Variants in SYNDIG1 observed in about 807,000 individuals in gnomAD.
SYNDIG1 encodes the protein synapse differentiation inducing 1.
SYNDIG1 carries 9 observed loss-of-function variants against 19.4 expected under a neutral mutation model. The observed-to-expected ratio is 0.46, with a 90% confidence interval of 0.28 to 0.81. The LOEUF (loss-of-function observed/expected upper bound fraction) is 0.81, where lower values mean the gene tolerates loss of function less well. Among genes scored for constraint, SYNDIG1 ranks in the 30% least tolerant of loss-of-function variants. The pLI is 0.12. For missense variants in SYNDIG1, 311 were observed against 343.3 expected, an observed-to-expected ratio of 0.91 and a Z score of 0.74; for synonymous variants, 141 against 145.9, an observed-to-expected ratio of 0.97 and a Z score of 0.24.
intron 3 of SYNDIG1, among the ~76,000 whole-genome samples, chr20:24,591,128 T>C (rs1360816675): frequency 6.6e-6 from 1 of 151,986 alleles, no homozygotes; most frequent in African/African-American, 2.4e-5. Flanking sequence ...GTAAGAATAC[T>C]ATACTTCAAT....
chr20:24,590,302 G>A (rs951958493), intron 3 of SYNDIG1, among the ~76,000 whole-genome samples: 2 of 151,948 alleles, frequency 1.3e-5, no homozygotes, highest in Non-Finnish European at 2.9e-5. Flanking sequence ...GGCCGCGGGT[G>A]TGGAGTGGGG....
At chr20:24,487,256 T>C (rs2055993887) in intron 1 of SYNDIG1, among the ~76,000 whole-genome samples, 1 of 152,240 alleles carries the variant, frequency 6.6e-6, no homozygotes, top group African/African-American at 2.4e-5. Flanking sequence ...ATTTGTCTTA[T>C]GTAACAATAT....
chr20:24,656,583 G>A (rs551865936), intron 3 of SYNDIG1, among the ~76,000 whole-genome samples: 2 of 152,298 alleles, frequency 1.3e-5, no homozygotes, highest in East Asian at 3.9e-4. Context: ...AGCATTCAGA[G>A]GGCACCAGGA....
chr20:24,571,964 G>A (rs559843659), intron 2 of SYNDIG1, among the ~76,000 whole-genome samples: 1 of 152,164 alleles, frequency 6.6e-6, no homozygotes, highest in Non-Finnish European at 1.5e-5. Flanking sequence ...CCAGATCACT[G>A]TATCCAGAGA....
intron 3 of SYNDIG1, among the ~76,000 whole-genome samples, chr20:24,642,144 T>C (rs2147341356): frequency 6.6e-6 from 1 of 152,354 alleles, no homozygotes; most frequent in Middle Eastern, 3.4e-3. Context: ...CCTCCTTAAG[T>C]TCCTCTTGGC....
chr20:24,626,569 A>G lies in SYNDIG1; in HGVS notation c.619-38777A>G, dbSNP rs1483335674. Among the ~76,000 whole-genome samples, 3 of 149,258 alleles carry G rather than the reference A, an allele frequency of 2.0e-5. No individual in the cohort carries two copies. In the East Asian group the frequency reaches 6.0e-4, roughly 30 times the overall value. ...TTCCTAGGTGGGATGGCGGCCGGGC[A>G]GAGACGCTCCTCACTTTCCAGACTG... is the stretch of plus-strand genomic sequence containing the variant. On this transcript the variant is annotated intron_variant, in intron 3 of 3. Transcript: ENST00000376862.
chr20:24,608,914 G>C (rs369497471), intron 3 of SYNDIG1, among the ~76,000 whole-genome samples: 2 of 152,180 alleles, frequency 1.3e-5, no homozygotes, highest in Non-Finnish European at 2.9e-5. Context: ...TTGTGTGGAG[G>C]ACAGTAATTT....
At chr20:24,494,872 G>A (rs989892861) in intron 1 of SYNDIG1, among the ~76,000 whole-genome samples, 3 of 152,174 alleles carry the variant, frequency 2.0e-5, no homozygotes, top group Non-Finnish European at 2.9e-5. Context: ...TGGTGCCCTG[G>A]CAGGGTGCAG....
At chr20:24,502,664 A>G (rs574169509) in intron 1 of SYNDIG1, among the ~76,000 whole-genome samples, 30 of 152,364 alleles carry the variant, frequency 2.0e-4, no homozygotes, top group African/African-American at 7.2e-4. Context: ...GTGTCATTCC[A>G]TGGATGTCCC....
intron 2 of SYNDIG1, among the ~76,000 whole-genome samples, chr20:24,545,842 G>C (rs2057565939): frequency 6.6e-6 from 1 of 152,164 alleles, no homozygotes; most frequent in South Asian, 2.1e-4. Flanking sequence ...CATAATAACG[G>C]TGCCTACTCT....
chr20:24,625,849 A>G (rs1249294014), intron 3 of SYNDIG1, among the ~76,000 whole-genome samples: 3 of 152,266 alleles, frequency 2.0e-5, no homozygotes, highest in Non-Finnish European at 2.9e-5. Flanking sequence ...CGCCATTGTC[A>G]TCATGGCCTG....
intron 3 of SYNDIG1, among the ~76,000 whole-genome samples, chr20:24,660,922 A>G (rs1225009142): frequency 6.6e-6 from 1 of 152,202 alleles, no homozygotes; most frequent in Non-Finnish European, 1.5e-5. Flanking sequence ...CTTGCCTTTC[A>G]GAGTCTCCAG....
chr20:24,568,619 C>T (rs568986211), intron 2 of SYNDIG1, among the ~76,000 whole-genome samples: 32 of 152,166 alleles, frequency 2.1e-4, no homozygotes, highest in Non-Finnish European at 4.1e-4. Flanking sequence ...AGAGGTATGG[C>T]GCACATTGTC....
At chr20:24,475,284 C>T (rs1383199966) in intron 1 of SYNDIG1, among the ~76,000 whole-genome samples, 2 of 152,200 alleles carry the variant, frequency 1.3e-5, no homozygotes, top group African/African-American at 4.8e-5. Flanking sequence ...TTAGGGTAGC[C>T]CCCAGGGAAG....
At chr20:24,565,808 C>T (rs1212101732) in intron 2 of SYNDIG1, among the ~76,000 whole-genome samples, 1 of 152,152 alleles carries the variant, frequency 6.6e-6, no homozygotes, top group South Asian at 2.1e-4. Flanking sequence ...TTCTCAACCA[C>T]TCCATGGGCT....
intron 1 of SYNDIG1, among the ~76,000 whole-genome samples, chr20:24,508,218 A>ATTTTTTTTTTTTTTTTTTTTTTTTT (rs34436263): frequency 1.4e-5 from 1 of 73,208 alleles, no homozygotes; most frequent in African/African-American, 6.1e-5. Context: ...AAGGAGGATA[A>ATTTTTTTTTTTTTTTTTTTTTTTTT]TTTTTTTTTT....
Position 24,665,674 on chromosome 20 carries a change from C to A in SYNDIG1, c.*170C>A, listed in dbSNP as rs551514195. ...TGTTTTTATCCTTTAATTTCATGTTCACAGCACTGTGTAGAGCACCAGACA... is the reference window on the plus strand; with the variant it reads ...TGTTTTTATCCTTTAATTTCATGTTAACAGCACTGTGTAGAGCACCAGACA... On this transcript the variant is annotated 3_prime_UTR_variant, in exon 4 of 4. Coordinates refer to ENST00000376862, the MANE Select transcript of SYNDIG1 (RefSeq NM_024893.3). 47 of 884,088 alleles carry A rather than the reference C, an allele frequency of 5.3e-5. No homozygotes were observed. Among genetic ancestry groups the A allele is most frequent in the Non-Finnish European group, 1.3e-5 (8 of 603,466 alleles). The allele number at this position is 884,088 out of a possible 1,614,324, so 54.8% of individuals were successfully genotyped here.
chr20:24,600,304 G>A (rs75701779), intron 3 of SYNDIG1, among the ~76,000 whole-genome samples: 4,595 of 152,260 alleles, frequency 0.03, 148 homozygotes, highest in African/African-American at 0.082. Context: ...TTAATGTGAA[G>A]GGGATTGTCA....
At chr20:24,605,354 T>C (rs1350888754) in intron 3 of SYNDIG1, among the ~76,000 whole-genome samples, 2 of 152,144 alleles carry the variant, frequency 1.3e-5, no homozygotes, top group East Asian at 1.9e-4. Context: ...TATTACTACA[T>C]GGGTTTATTT....
Sources: gnomAD v4.1 joint callset for allele counts (sites outside exome capture counted in the v4.1 genomes callset) on GRCh38, gnomAD v4.1.1 for gene constraint, MANE v1.5 for transcripts, NCBI Gene and HGNC (gene_info 2026-07-23, HGNC 2026-07-21) for gene names.